HOMER2: variants seen among roughly 807,000 people sequenced by gnomAD.
The protein encoded by HOMER2 is homer scaffold protein 2, also known as homer protein homolog 2.
Under a neutral mutation model 47.0 loss-of-function variants are expected in HOMER2, and 27 were observed. The observed-to-expected ratio is 0.57, with a 90% CI of 0.42 to 0.79. The LOEUF (loss-of-function observed/expected upper bound fraction) is 0.79. Among genes scored for constraint, HOMER2 ranks in the 30% least tolerant of loss-of-function variants. The pLI is 0.00. For missense variants in HOMER2, 443 were observed against 435.0 expected, an observed-to-expected ratio of 1.02 and a Z score of -0.16; for synonymous variants, 161 against 163.8, an observed-to-expected ratio of 0.98 and a Z score of 0.13.
chr15:82,952,682 G>A lies in HOMER2; in HGVS notation c.-147C>T, dbSNP rs2054534616. The A allele has an allele frequency of 5.1e-5, 50 of 987,538 alleles. No homozygotes were observed. The South Asian group carries it at 1.4e-3, about 27-fold the overall frequency. The allele number at this position is 987,538 out of a possible 1,614,324, so 61.2% of individuals were successfully genotyped here. ...CCGCTCCATTCCGCGGGGCTGCGCG[G>A]CTGCCACTGCTGCCACTGCCGCCAC... On this transcript the variant is annotated 5_prime_UTR_variant, in exon 1 of 9. Coordinates refer to ENST00000450735, the MANE Select transcript of HOMER2 (RefSeq NM_004839.4).
At chr15:82,930,229 T>C (rs1409556792) in intron 1 of HOMER2, among the ~76,000 whole-genome samples, 1 of 152,184 alleles carries the variant, frequency 6.6e-6, no homozygotes, top group Admixed American at 6.5e-5. Flanking sequence ...ACCAAGTCAC[T>C]CCACCTCTCT....
chr15:82,872,688 A>G (rs1429155790), intron 3 of HOMER2, among the ~76,000 whole-genome samples: 1 of 152,168 alleles, frequency 6.6e-6, no homozygotes, highest in Non-Finnish European at 1.5e-5. Context: ...TCACAGTGCC[A>G]CGACTTCCCT....
intron 1 of HOMER2, among the ~76,000 whole-genome samples, chr15:82,924,890 G>A (rs1468744902): frequency 3.3e-5 from 5 of 152,202 alleles, no homozygotes; most frequent in African/African-American, 4.8e-5. Context: ...TAAGCCCAAC[G>A]TGATGCTCCA....
Position 82,928,939 on chromosome 15 carries a change from C to CAAAAAAAAAAAAAAAAAAAA in HOMER2, c.5+23591_5+23592insTTTTTTTTTTTTTTTTTTTT, listed in dbSNP as rs1596362215. 3.7e-4 allele frequency among the ~76,000 whole-genome samples: 7 copies of CAAAAAAAAAAAAAAAAAAAA among 18,696 alleles called. 1 individual carries two copies. The highest frequency in any genetic ancestry group is 2.7e-3 in the African/African-American group (3 of 1,106). 12.3% of individuals were successfully genotyped at this position (18,696 alleles called of 152,430 possible). ...GTAACAACTGGCAAAAAAATAAAAA[C>CAAAAAAAAAAAAAAAAAAAA]TAAAAAAAAAAAAAAAAAAAAGCTG... On this transcript the variant is annotated intron_variant, in intron 1 of 8. Transcript: ENST00000450735.
intron 1 of HOMER2, among the ~76,000 whole-genome samples, chr15:82,897,585 G>A (rs1477123857): frequency 6.6e-6 from 1 of 152,130 alleles, no homozygotes; most frequent in African/African-American, 2.4e-5. Context: ...GTGATGGGAT[G>A]TCATTTGTGT....
chr15:82,897,906 A>G (rs960180952), intron 1 of HOMER2, among the ~76,000 whole-genome samples: 1 of 152,256 alleles, frequency 6.6e-6, no homozygotes, highest in Admixed American at 6.5e-5. Flanking sequence ...AAAGGGCCCA[A>G]CTAAGCTATA....
chr15:82,945,428 T>C (rs1014448381), intron 1 of HOMER2, among the ~76,000 whole-genome samples: 3 of 152,148 alleles, frequency 2.0e-5, no homozygotes, highest in African/African-American at 7.2e-5. Context: ...ATAAAATGAT[T>C]GCATTTTGTT....
At chr15:82,901,316 G>A (rs1319383657) in intron 1 of HOMER2, among the ~76,000 whole-genome samples, 1 of 152,156 alleles carries the variant, frequency 6.6e-6, no homozygotes, top group African/African-American at 2.4e-5. Context: ...GTGCAGAGGA[G>A]GAGGTAAGGC....
intron 1 of HOMER2, 21 bp downstream of exon 1, chr15:82,952,510 G>T: frequency 8.4e-7 from 1 of 1,188,844 alleles, no homozygotes; most frequent in Non-Finnish European, 1.0e-6. Context: ...CGCGGAGAGC[G>T]CGCGGCGCGG....
intron 1 of HOMER2, among the ~76,000 whole-genome samples, chr15:82,935,191 C>T (rs890521124): frequency 5.3e-5 from 8 of 152,140 alleles, no homozygotes; most frequent in African/African-American, 1.9e-4. Context: ...TTCTCTGCTC[C>T]CTTAACAGTC....
chr15:82,932,948 C>T (rs561161148), intron 1 of HOMER2, among the ~76,000 whole-genome samples: 1 of 152,130 alleles, frequency 6.6e-6, no homozygotes, highest in South Asian at 2.1e-4. Flanking sequence ...CTGGGTGGGT[C>T]CACATAGAGC....
intron 1 of HOMER2, among the ~76,000 whole-genome samples, chr15:82,940,732 T>TAA (rs1005984257): frequency 6.8e-6 from 1 of 147,034 alleles, no homozygotes; most frequent in African/African-American, 2.5e-5. Context: ...GACTCTGTCT[T>TAA]AAAAAAAAAA....
At chr15:82,893,818 G>C (rs1654224354) in intron 1 of HOMER2, among the ~76,000 whole-genome samples, 1 of 151,494 alleles carries the variant, frequency 6.6e-6, no homozygotes, top group African/African-American at 2.4e-5. Flanking sequence ...GTAGAGACAG[G>C]GTCTCTCTGT....
upstream of HOMER2, among the ~76,000 whole-genome samples, chr15:82,953,869 C>A (rs558886048): frequency 5.3e-5 from 8 of 152,078 alleles, no homozygotes; most frequent in East Asian, 1.4e-3. Flanking sequence ...GGCAACAGAG[C>A]GAGACTCCGT....
chr15:82,878,147 C>T (rs752166127), intron 2 of HOMER2, among the ~76,000 whole-genome samples: 12 of 152,148 alleles, frequency 7.9e-5, no homozygotes, highest in Non-Finnish European at 1.6e-4. Flanking sequence ...GCCTATGCCC[C>T]TAGGTCAGTC....
intron 1 of HOMER2, among the ~76,000 whole-genome samples, chr15:82,893,329 CTTTTTTT>C (rs771392216): frequency 2.9e-4 from 34 of 118,932 alleles, no homozygotes; most frequent in Admixed American, 1.6e-3. Context: ...ATAATTTTAT[CTTTTTTT>C]TTTTTTTTTT....
intron 1 of HOMER2, among the ~76,000 whole-genome samples, chr15:82,936,931 T>C (rs1236513093): frequency 1.3e-5 from 2 of 152,100 alleles, no homozygotes; most frequent in Admixed American, 1.3e-4. Context: ...GATTATAACT[T>C]CATATTATAA....
chr15:82,841,672 C>T (rs530524841), exon 2 of HOMER2: 2 of 152,210 alleles, frequency 1.3e-5, no homozygotes, highest in African/African-American at 4.8e-5. Context: ...AATTATCAAC[C>T]TACCCAGAAC....
chr15:82,896,312 C>T (rs2052916330), intron 1 of HOMER2, among the ~76,000 whole-genome samples: 2 of 152,032 alleles, frequency 1.3e-5, no homozygotes. Flanking sequence ...CACAGGGAGC[C>T]GAGAAGATGG....
Sources: allele counts gnomAD v4.1 joint callset (sites outside exome capture counted in the v4.1 genomes callset), GRCh38; gene constraint gnomAD v4.1.1; transcripts MANE v1.5; gene names NCBI Gene and HGNC (gene_info 2026-07-23, HGNC 2026-07-21).